Variants in MED30 observed in about 807,000 individuals in gnomAD.
MED30 encodes the protein mediator of RNA polymerase II transcription subunit 30.
A neutral mutation model predicts 21.7 loss-of-function variants in MED30; 8 were observed. The ratio of observed to expected loss-of-function variants is 0.37; its 90% CI spans 0.22 to 0.67. MED30 has a LOEUF of 0.67. MED30 is among the 30% of genes least tolerant of loss of function. The pLI is 0.58. For missense variants in MED30, 203 were observed against 228.2 expected, an observed-to-expected ratio of 0.89 and a Z score of 0.71; for synonymous variants, 79 against 86.7, an observed-to-expected ratio of 0.91 and a Z score of 0.49.
intron 3 of MED30, among the ~76,000 whole-genome samples, chr8:117,533,759 C>G (rs931277070): frequency 6.6e-6 from 1 of 152,140 alleles, no homozygotes; most frequent in Admixed American, 6.5e-5. Context: ...TTTCTATGGT[C>G]TTATAGGTCT....
intron 2 of MED30, 165 bp from the exon 3 acceptor site, chr8:117,530,558 A>G (rs1365086643): frequency 3.9e-6 from 2 of 509,994 alleles, no homozygotes; most frequent in Non-Finnish European, 6.9e-6. Flanking sequence ...ATGCATTGAA[A>G]TGGTCAACTA....
At chr8:117,531,737 T>G (rs921115104) in intron 3 of MED30, among the ~76,000 whole-genome samples, 4 of 151,948 alleles carry the variant, frequency 2.6e-5, no homozygotes, top group African/African-American at 9.7e-5. Context: ...ACCCAACATT[T>G]TTCATAAGGT....
intron 1 of MED30, among the ~76,000 whole-genome samples, chr8:117,527,783 G>T (rs950370871): frequency 2.6e-5 from 4 of 151,498 alleles, no homozygotes; most frequent in South Asian, 2.1e-4. Context: ...TAGAAAACGT[G>T]GTACTGTGTA....
At chr8:117,523,610 A>G (rs1015786444) in intron 1 of MED30, 2 of 1,600,888 alleles carry the variant, frequency 1.2e-6, no homozygotes, top group African/African-American at 1.3e-5. Flanking sequence ...GACTTGAGAA[A>G]CTGCATGGCC....
intron 3 of MED30, among the ~76,000 whole-genome samples, chr8:117,537,987 T>C (rs1419356617): frequency 1.3e-5 from 2 of 152,224 alleles, no homozygotes; most frequent in African/African-American, 4.8e-5. Flanking sequence ...ATAGCACTTT[T>C]ATATTCCTCT....
At chr8:117,535,113 A>G (rs1393172862) in intron 3 of MED30, among the ~76,000 whole-genome samples, 2 of 151,978 alleles carry the variant, frequency 1.3e-5, no homozygotes, top group African/African-American at 4.8e-5. Flanking sequence ...TGTTTCCCTC[A>G]AACAATTTTA....
In MED30 at chr8:117,539,868, C is replaced by T; in HGVS notation, c.442-15C>T. On this transcript the variant is annotated splice_polypyrimidine_tract_variant and intron_variant, in intron 3 of 3. Coordinates refer to ENST00000297347, the MANE Select transcript of MED30 (RefSeq NM_080651.4). ...TTTCCTGAAACATTTTTGATAAATT[C>T]TTTTGTTTCTACAGAAACTCAAACA... The T allele has an allele frequency of 6.7e-7, 1 of 1,496,108 alleles. No individual in the cohort carries two copies. Among genetic ancestry groups the T allele is most frequent in the Non-Finnish European group, 9.2e-7 (1 of 1,081,824 alleles). 92.7% of individuals were successfully genotyped at this position (1,496,108 alleles called of 1,614,324 possible).
chr8:117,526,035 T>C (rs1818714826), intron 1 of MED30, among the ~76,000 whole-genome samples: 1 of 152,066 alleles, frequency 6.6e-6, no homozygotes, highest in African/African-American at 2.4e-5. Context: ...TGTTTTCCTA[T>C]AAGGTATCTT....
intron 1 of MED30, chr8:117,523,225 C>G: frequency 1.9e-5 from 14 of 722,272 alleles, no homozygotes; most frequent in East Asian, 3.0e-5. Flanking sequence ...TTTTTTTTGT[C>G]TGTAAGTTTA....
chr8:117,529,453 A>G (rs906362817), intron 2 of MED30, among the ~76,000 whole-genome samples: 3 of 151,994 alleles, frequency 2.0e-5, no homozygotes, highest in Admixed American at 2.0e-4. Flanking sequence ...TGTGGCCTAC[A>G]TCGTCAGATG....
intron 1 of MED30, among the ~76,000 whole-genome samples, chr8:117,522,977 G>C (rs1041077916): frequency 6.6e-6 from 1 of 151,982 alleles, no homozygotes; most frequent in Non-Finnish European, 1.5e-5. Flanking sequence ...CTATTTTACA[G>C]TAAAGGAAAC....
chr8:117,525,608 C>T (rs1446282272), intron 1 of MED30, among the ~76,000 whole-genome samples: 1 of 151,908 alleles, frequency 6.6e-6, no homozygotes, highest in Non-Finnish European at 1.5e-5. Context: ...AAAATTTCAG[C>T]CTTTACATTT....
intron 2 of MED30, among the ~76,000 whole-genome samples, chr8:117,529,437 C>G (rs1420932053): frequency 1.3e-5 from 2 of 151,736 alleles, no homozygotes; most frequent in Non-Finnish European, 2.9e-5. Flanking sequence ...GGAGAAAGAT[C>G]AGAAATGTGG....
intron 1 of MED30, among the ~76,000 whole-genome samples, chr8:117,526,271 G>C (rs1818718622): frequency 6.6e-6 from 1 of 151,832 alleles, no homozygotes; most frequent in African/African-American, 2.4e-5. Flanking sequence ...TCTTTTTAAT[G>C]TTTCAACATT....
chr8:117,525,439 AT>A (rs147070308), intron 1 of MED30, among the ~76,000 whole-genome samples: 2 of 148,494 alleles, frequency 1.3e-5, no homozygotes, highest in South Asian at 2.1e-4. Context: ...ACTTAAAGTT[AT>A]TTTTTTCCCT....
chr8:117,536,010 A>G (rs560241053), intron 3 of MED30, among the ~76,000 whole-genome samples: 90 of 151,872 alleles, frequency 5.9e-4, no homozygotes, highest in African/African-American at 2.1e-3. Context: ...CCATTCTTGT[A>G]GGTTTTGGGA....
chr8:117,530,016 T>C (rs1439711354), intron 2 of MED30, among the ~76,000 whole-genome samples: 1 of 152,030 alleles, frequency 6.6e-6, no homozygotes, highest in Admixed American at 6.6e-5. Flanking sequence ...TAGCCTATTC[T>C]TGCATTGGTA....
intron 3 of MED30, among the ~76,000 whole-genome samples, chr8:117,532,959 G>A (rs1306644042): frequency 6.6e-6 from 1 of 151,886 alleles, no homozygotes; most frequent in Non-Finnish European, 1.5e-5. Context: ...CTCAATAAAT[G>A]TGTTCTGCTT....
intron 3 of MED30, among the ~76,000 whole-genome samples, chr8:117,537,727 A>C (rs1292864822): frequency 1.3e-5 from 2 of 152,182 alleles, no homozygotes; most frequent in African/African-American, 2.4e-5. Context: ...CATTTATTTC[A>C]GTGGTGAGAC....
Sources: gnomAD v4.1 joint callset for allele counts (sites outside exome capture counted in the v4.1 genomes callset) on GRCh38, gnomAD v4.1.1 for gene constraint, MANE v1.5 for transcripts, NCBI Gene and HGNC (gene_info 2026-07-23, HGNC 2026-07-21) for gene names.